Variants in TTBK1 observed in about 807,000 individuals in gnomAD.
TTBK1 encodes tau-tubulin kinase 1.
In TTBK1, 34 loss-of-function variants were observed where a neutral mutation model predicts 108.5. The observed-to-expected ratio is 0.31, with a 90% CI of 0.24 to 0.42. The LOEUF (loss-of-function observed/expected upper bound fraction) is 0.42, where lower values mean the gene tolerates loss of function less well. TTBK1 is among the 10% of genes least tolerant of loss of function. The pLI, the probability that TTBK1 is intolerant of heterozygous loss-of-function variation, is 1.00. For synonymous variants in TTBK1, 809 were observed against 795.1 expected (o/e 1.02, Z -0.29); for missense variants, 1,539 against 1,826.0 (o/e 0.84, Z 2.86).
rs761105553 is a variant in TTBK1 at position 43,263,186 on chromosome 6, C to A, written c.1822C>A (p.Leu608Met). The change falls in exon 13 of 15, where the codon CTG (leucine) becomes ATG (methionine). Residue 608 changes from leucine (L) to methionine (M), a missense_variant. By Grantham distance (15) the Leu-to-Met change is conservative. Coordinates refer to ENST00000259750, the MANE Select transcript of TTBK1 (RefSeq NM_032538.3). This position sits in a 1 kb window ranked among gnomAD's most constrained non-coding sequence, Gnocchi z 4.7. The part of the protein sequence containing the change: ...RSMQALAEED[L>M]QHLPPQPLPP... ...CATGCAGGCGCTGGCGGAGGAGGAC[C>A]TGCAGCATTTGCCGCCCCAGCCCCT... 2 of 1,581,982 alleles carry A rather than the reference C, an allele frequency of 1.3e-6. No individual in the cohort carries two copies. Among genetic ancestry groups the A allele is most frequent in the African/African-American group, 2.7e-5 (2 of 74,550 alleles).
At position 43,284,063 on chromosome 6, in the gene TTBK1, G is replaced by A. The variant is rs1778279920; in HGVS notation, c.3323G>A (p.Gly1108Glu). The change falls in exon 14 of 15, where the codon GGG (glycine) becomes GAG (glutamate). Residue 1108 changes from glycine to glutamate, a missense_variant. Gly to Glu is a moderately conservative substitution (Grantham distance 98). Coordinates refer to ENST00000259750, the MANE Select transcript of TTBK1 (RefSeq NM_032538.3). ...CGCCTGCTGTTGCGGCTGGCCTCAG[G>A]GGCCTCGTCCTCCTCCAGTGAGGAG... is the stretch of plus-strand genomic sequence containing the variant. ...QGRLLLRLASGASSSSSEEQR... is the reference protein window; with the variant it reads ...QGRLLLRLASEASSSSSEEQR... 1 of 1,539,884 alleles carries A rather than the reference G, an allele frequency of 6.5e-7. No homozygotes were observed. Among genetic ancestry groups the A allele is most frequent in the East Asian group, 2.5e-5 (1 of 40,714 alleles).
Position 43,263,272 on chromosome 6 carries a change from C to G in TTBK1, c.1908C>G (p.Gly636=). The stretch of plus-strand genomic sequence containing the variant: ...AGACGTCACAGCCCCCCACGCCTGG[C>G]AGCCCTTCCCACTCACCCCTGCACT... ...RSETSQPPTP[G]SPSHSPLHSG... is the part of the protein sequence containing the mutation. The change falls in exon 13 of 15, where the codon GGC becomes GGG. Residue 636 remains glycine, a synonymous_variant. Transcript: ENST00000259750. This position sits in a 1 kb window ranked among gnomAD's most constrained non-coding sequence, Gnocchi z 4.7. 6.5e-7 allele frequency: 1 copy of G among 1,532,706 alleles called. No individual in the cohort carries two copies. Among genetic ancestry groups the G allele is most frequent in the South Asian group, 1.2e-5 (1 of 80,326 alleles). 94.9% of individuals were successfully genotyped at this position (1,532,706 alleles called of 1,614,324 possible).
Position 43,285,140 on chromosome 6 carries a change from A to T in TTBK1, c.3730A>T (p.Asn1244Tyr). 2 of 1,438,288 alleles carry T rather than the reference A, an allele frequency of 1.4e-6. No individual in the cohort carries two copies. The highest frequency in any genetic ancestry group is 2.9e-5 in the South Asian group (2 of 69,348). The allele number at this position is 1,438,288 out of a possible 1,614,324, so 89.1% of individuals were successfully genotyped here. A position where few individuals can be genotyped will look rare whatever the true frequency, so the allele number is the denominator to read the frequency against. The change falls in exon 15 of 15, where the codon AAT (asparagine) becomes TAT (tyrosine). Residue 1244 changes from asparagine to tyrosine, a missense_variant. Asn to Tyr is a moderately radical substitution (Grantham distance 143, BLOSUM62 -2). This residue lies in a region of TTBK1 where 1,055 missense variants were observed against 1,086.5 expected (regional missense o/e 0.97). Coordinates refer to ENST00000259750, the MANE Select transcript of TTBK1 (RefSeq NM_032538.3). This position sits in a 1 kb window ranked among gnomAD's most constrained non-coding sequence, Gnocchi z 4.7. Reference sequence around the variant, plus strand: ...CCCCGCGTCCACATCCGCCGCGCGCAATGCCAGCGCGTCCCCCCGGAGCCA... The same window carrying T: ...CCCCGCGTCCACATCCGCCGCGCGCTATGCCAGCGCGTCCCCCCGGAGCCA... ...RLPASTSAAR[N>Y]ASASPRSQSL...
In TTBK1 at chr6:43,282,678, C is replaced by T; in HGVS notation, c.1987-49C>T. 1 of 1,504,974 alleles carries T rather than the reference C, an allele frequency of 6.6e-7. No individual in the cohort carries two copies. The highest frequency in any genetic ancestry group is 9.0e-7 in the Non-Finnish European group (1 of 1,108,752). The allele number at this position is 1,504,974 out of a possible 1,614,324, so 93.2% of individuals were successfully genotyped here. On this transcript the variant is annotated intron_variant, in intron 13 of 14. Transcript: ENST00000259750. The surrounding 1 kb of genome is among the most constrained non-coding windows in gnomAD (Gnocchi z 5.4). ...TGGGTGCAGCTGAAGTCTTCCTGGGCCCAGGAGGGTGGGTGACCTCAGAGG... is the reference window on the plus strand; with the variant it reads ...TGGGTGCAGCTGAAGTCTTCCTGGGTCCAGGAGGGTGGGTGACCTCAGAGG...
At chr6:43,270,191 G>C (rs1409727762) in intron 13 of TTBK1, 2 of 1,337,038 alleles carry the variant, frequency 1.5e-6, no homozygotes, top group East Asian at 6.2e-5. Context: ...GGTGCAGGGA[G>C]GGGTGGGGCT....
At chr6:43,274,781 C>G (rs1777919919) in intron 13 of TTBK1, among the ~76,000 whole-genome samples, 1 of 152,118 alleles carries the variant, frequency 6.6e-6, no homozygotes, top group African/African-American at 2.4e-5. Flanking sequence ...CTGAGGGCCA[C>G]AACCCTCCCA....
chr6:43,259,135 C>T lies in TTBK1; in HGVS notation c.1114C>T (p.Pro372Ser), dbSNP rs755330352. The T allele has an allele frequency of 1.9e-6, 3 of 1,613,980 alleles. No homozygotes were observed. The highest frequency in any genetic ancestry group is 1.3e-5 in the African/African-American group (1 of 74,940). The change falls in exon 11 of 15, where the codon CCA (proline) becomes TCA (serine). Residue 372 changes from proline to serine, a missense_variant. Coordinates refer to ENST00000259750, the MANE Select transcript of TTBK1 (RefSeq NM_032538.3). The surrounding 1 kb of genome is among the most constrained non-coding windows in gnomAD (Gnocchi z 6.7). The part of the protein sequence containing the change: ...EHLSDQENAP[P>S]ILPGRPSEGL... Reference sequence around the variant, plus strand: ...CCTGAGTGACCAGGAGAATGCACCCCCAATTCTGCCCGGGAGGCCCTCTGA... The same window carrying T: ...CCTGAGTGACCAGGAGAATGCACCCTCAATTCTGCCCGGGAGGCCCTCTGA...
At chr6:43,245,636 C>T (rs141713759) in intron 1 of TTBK1, among the ~76,000 whole-genome samples, 588 of 152,240 alleles carry the variant, frequency 3.9e-3, no homozygotes, top group Non-Finnish European at 5.9e-3. Flanking sequence ...GGCATTTCTC[C>T]GGTAACATGT....
Position 43,263,543 on chromosome 6 carries a change from C to T in TTBK1, c.1986+193C>T, listed in dbSNP as rs1777602735. Reference sequence around the variant, plus strand: ...GGCAAGGCTTCCCAGAGGAAGTGCCCTCTCAGTTCTGAGTTGAGTCTGGCA... The same window carrying T: ...GGCAAGGCTTCCCAGAGGAAGTGCCTTCTCAGTTCTGAGTTGAGTCTGGCA... On this transcript the variant is annotated intron_variant, in intron 13 of 14. Coordinates refer to ENST00000259750, the MANE Select transcript of TTBK1 (RefSeq NM_032538.3). This position sits in a 1 kb window ranked among gnomAD's most constrained non-coding sequence, Gnocchi z 4.7. Among the ~76,000 whole-genome samples, 1 of 152,228 alleles carries T rather than the reference C, an allele frequency of 6.6e-6. No individual in the cohort carries two copies. The highest frequency in any genetic ancestry group is 6.5e-5 in the Admixed American group (1 of 15,286).
chr6:43,258,957 G>T (rs1777448600), intron 10 of TTBK1, 81 bp from the exon 11 acceptor site: 2 of 1,079,836 alleles, frequency 1.9e-6, no homozygotes, highest in Admixed American at 2.5e-5. Flanking sequence ...TGGTCTCCAG[G>T]TCTGTGCTGG....
chr6:43,245,584 C>T (rs989894709), intron 1 of TTBK1, among the ~76,000 whole-genome samples: 1 of 152,170 alleles, frequency 6.6e-6, no homozygotes, highest in Admixed American at 6.5e-5. Context: ...CAGAAGGATA[C>T]ATGCACAGAT....
chr6:43,267,187 G>A (rs909862125), intron 13 of TTBK1, among the ~76,000 whole-genome samples: 7 of 152,152 alleles, frequency 4.6e-5, no homozygotes, highest in South Asian at 2.1e-4. Flanking sequence ...TCAGGACAGC[G>A]GGGTGAAGCA....
intron 13 of TTBK1, chr6:43,270,759 A>T (rs1335397523): frequency 1.0e-6 from 1 of 985,338 alleles, no homozygotes; most frequent in African/African-American, 1.7e-5. Flanking sequence ...GGCAGGCTGG[A>T]ACTGAGCAAC....
At chr6:43,284,886 G>A (rs559538424) in intron 14 of TTBK1, 97 bp from the exon 15 acceptor site, 11 of 1,398,378 alleles carry the variant, frequency 7.9e-6, no homozygotes, top group South Asian at 4.7e-5. Context: ...TGAGGATGCC[G>A]GACTCCAGTG....
Position 43,255,785 on chromosome 6 carries a change from A to T in TTBK1, c.790A>T (p.Met264Leu). 6.2e-7 allele frequency: 1 copy of T among 1,614,116 alleles called. No homozygotes were observed. Among genetic ancestry groups the T allele is most frequent in the Non-Finnish European group, 8.5e-7 (1 of 1,180,008 alleles). The change falls in exon 9 of 15, where the codon ATG becomes TTG. Residue 264 changes from methionine (M) to leucine (L), a missense_variant. Around this residue, in one of 5 missense-constraint regions of TTBK1, gnomAD observed 155 missense variants for 348.5 expected, o/e 0.44. Coordinates refer to ENST00000259750, the MANE Select transcript of TTBK1 (RefSeq NM_032538.3). ...KYEHRMLLKH[M>L]PSEFHLFLDH... The stretch of plus-strand genomic sequence containing the variant: ...TGAGCACCGGATGCTGCTGAAGCAC[A>T]TGCCGTCAGAGTTCCACCTCTTCCT...
chr6:43,253,815 G>GCAACC lies in TTBK1; in HGVS notation c.471+107_471+108insCAACC. The GCAACC allele has an allele frequency of 7.1e-7, 1 of 1,401,158 alleles. No individual in the cohort carries two copies. Among genetic ancestry groups the GCAACC allele is most frequent in the Non-Finnish European group, 9.5e-7 (1 of 1,049,416 alleles). The allele number at this position is 1,401,158 out of a possible 1,614,324, so 86.8% of individuals were successfully genotyped here. ...CTCTGCAACCATGGTTGGGACTTGTGATGGGACAGCCTCTTCTCCCCAAGC... is the reference window on the plus strand; with the variant it reads ...CTCTGCAACCATGGTTGGGACTTGTGCAACCATGGGACAGCCTCTTCTCCCCAAGC... On this transcript the variant is annotated intron_variant, in intron 5 of 14. Transcript: ENST00000259750. The surrounding 1 kb of genome is among the most constrained non-coding windows in gnomAD (Gnocchi z 5.8).
chr6:43,255,687 C>G lies in TTBK1; in HGVS notation c.735+43C>G, dbSNP rs149491808. On this transcript the variant is annotated intron_variant, in intron 8 of 14. Coordinates refer to ENST00000259750, the MANE Select transcript of TTBK1 (RefSeq NM_032538.3). ...GGGTCTGAGGTGGCAGAAGGAGTGTCAGGGCAGCTGGGACTCCATCTCCCT... is the reference window on the plus strand; with the variant it reads ...GGGTCTGAGGTGGCAGAAGGAGTGTGAGGGCAGCTGGGACTCCATCTCCCT... 1.5e-3 allele frequency: 2,498 copies of G among 1,614,106 alleles called. 3 individuals are homozygous for G. The highest frequency in any genetic ancestry group is 1.9e-3 in the Non-Finnish European group (2,249 of 1,180,004).
In TTBK1 at chr6:43,282,972, G is replaced by T. The variant is rs3800295; in HGVS notation, c.2232G>T (p.Glu744Asp). The part of the protein sequence containing the change: ...EEEEEEEDEE[E>D]EEEDEEEEEE... Reference sequence around the variant, plus strand: ...AGGAGGAGGAGGAAGATGAGGAAGAGGAAGAAGAGGATGAGGAAGAAGAAG... The same window carrying T: ...AGGAGGAGGAGGAAGATGAGGAAGATGAAGAAGAGGATGAGGAAGAAGAAG... Residue 744 changes from glutamate to aspartate, a missense_variant, in exon 14 of 15, where the codon GAG becomes GAT. By Grantham distance (45) the Glu-to-Asp change is conservative (BLOSUM62 2). Transcript: ENST00000259750. The surrounding 1 kb of genome is among the most constrained non-coding windows in gnomAD (Gnocchi z 5.4). 3 of 1,606,500 alleles carry T rather than the reference G, an allele frequency of 1.9e-6. No homozygotes were observed. The South Asian group carries it at 3.3e-5, about 18-fold the overall frequency.
chr6:43,283,531 G>A lies in TTBK1; in HGVS notation c.2791G>A (p.Val931Met). 6.2e-7 allele frequency: 1 copy of A among 1,614,142 alleles called. No homozygotes were observed. Among genetic ancestry groups the A allele is most frequent in the African/African-American group, 1.3e-5 (1 of 75,048 alleles). The change falls in exon 14 of 15, where the codon GTG becomes ATG. Residue 931 changes from valine to methionine, a missense_variant. Around this residue, in one of 5 missense-constraint regions of TTBK1, gnomAD observed 1,055 missense variants for 1,086.5 expected, o/e 0.97. Coordinates refer to ENST00000259750, the MANE Select transcript of TTBK1 (RefSeq NM_032538.3). This position sits in a 1 kb window ranked among gnomAD's most constrained non-coding sequence, Gnocchi z 8.1. The part of the protein sequence containing the change: ...SPFTKVERTF[V>M]HIAEKTHLNV... ...CTTCACCAAAGTTGAGAGGACCTTT[G>A]TGCACATTGCGGAGAAAACCCACCT...
Sources: allele counts gnomAD v4.1 joint callset (sites outside exome capture counted in the v4.1 genomes callset), GRCh38; gene constraint gnomAD v4.1.1; regional missense constraint gnomAD v4.1.1; non-coding constraint Gnocchi (gnomAD v3.1); transcripts MANE v1.5; gene names NCBI Gene and HGNC (gene_info 2026-07-23, HGNC 2026-07-21).